Variants in SMC2 observed in about 807,000 individuals in gnomAD.
SMC2 encodes the protein structural maintenance of chromosomes 2, also known as structural maintenance of chromosomes protein 2.
A neutral mutation model predicts 142.6 loss-of-function variants in SMC2; 41 were observed. The observed-to-expected ratio is 0.29, with a 90% CI of 0.22 to 0.37. The LOEUF is 0.37. Among genes scored for constraint, SMC2 ranks in the 10% least tolerant of loss-of-function variants. The pLI, the probability that SMC2 is intolerant of heterozygous loss-of-function variation, is 1.00. For synonymous variants in SMC2, 463 were observed against 457.5 expected (o/e 1.01, Z -0.15); for missense variants, 1,265 against 1,373.7 (o/e 0.92, Z 1.25).
rs1441016633 is a variant in SMC2 at position 104,138,007 on chromosome 9, C to A, written c.3270-11C>A. On this transcript the variant is annotated splice_polypyrimidine_tract_variant and intron_variant, in intron 23 of 24. Coordinates refer to ENST00000374793, the MANE Select transcript of SMC2 (RefSeq NM_006444.3). ...CAAATTTTTATGGCTTTTCTTCTGA[C>A]CTTTTCTTAGGTCTTTAGTGGCCTT... The A allele has an allele frequency of 1.9e-6, 3 of 1,539,128 alleles. No individual in the cohort carries two copies. Among genetic ancestry groups the A allele is most frequent in the African/African-American group, 2.8e-5 (2 of 72,502 alleles).
intron 16 of SMC2, 47 bp downstream of exon 16, chr9:104,120,209 A>G: frequency 6.8e-7 from 1 of 1,467,766 alleles, no homozygotes; most frequent in Non-Finnish European, 9.2e-7. Context: ...GCATAGTAGA[A>G]AATGATAGAA....
upstream of SMC2, among the ~76,000 whole-genome samples, chr9:104,091,654 T>G (rs1027874778): frequency 6.6e-6 from 1 of 152,228 alleles, no homozygotes; most frequent in African/African-American, 2.4e-5. Context: ...CTTCCTTACT[T>G]CTGCGGTAAA....
chr9:104,092,034 A>C (rs1829990896), upstream of SMC2: 1 of 152,118 alleles, frequency 6.6e-6, no homozygotes, highest in African/African-American at 2.4e-5. Context: ...TCTACCCCTC[A>C]CATCTCCAAA....
At chr9:104,137,334 A>T (rs1363530967) in intron 23 of SMC2, among the ~76,000 whole-genome samples, 1 of 152,138 alleles carries the variant, frequency 6.6e-6, no homozygotes, top group Admixed American at 6.5e-5. Context: ...GAAAAAATAT[A>T]ATAATAATTA....
intron 20 of SMC2, among the ~76,000 whole-genome samples, chr9:104,127,738 C>T (rs1252753231): frequency 1.3e-5 from 2 of 152,064 alleles, no homozygotes; most frequent in Admixed American, 6.5e-5. Flanking sequence ...GTTTAGTGGT[C>T]TCCCATGGAA....
intron 23 of SMC2, among the ~76,000 whole-genome samples, chr9:104,137,554 G>C (rs1835681695): frequency 6.6e-6 from 1 of 151,978 alleles, no homozygotes. Context: ...GTGTCTGTCT[G>C]TGTGTATATG....
intron 23 of SMC2, among the ~76,000 whole-genome samples, chr9:104,137,104 T>C (rs973327366): frequency 6.6e-6 from 1 of 152,058 alleles, no homozygotes; most frequent in Non-Finnish European, 1.5e-5. Flanking sequence ...ACCGAGATTG[T>C]GCTACTGCAC....
chr9:104,103,466 C>T (rs1831394231), intron 9 of SMC2, among the ~76,000 whole-genome samples: 1 of 152,070 alleles, frequency 6.6e-6, no homozygotes, highest in African/African-American at 2.4e-5. Context: ...AGAAAAGATC[C>T]AGTAGAAAAG....
At position 104,116,336 on chromosome 9, in the gene SMC2, C is replaced by T; in HGVS notation, c.1791+17C>T. 1.3e-6 allele frequency: 2 copies of T among 1,590,568 alleles called. No individual in the cohort carries two copies. The highest frequency in any genetic ancestry group is 1.7e-6 in the Non-Finnish European group (2 of 1,171,198). On this transcript the variant is annotated intron_variant, in intron 14 of 24. Coordinates refer to ENST00000374793, the MANE Select transcript of SMC2 (RefSeq NM_006444.3). ...CAGAATCTTGTAAGTCTCATTTTGT[C>T]TTATTTATATGTTTAATCGTCATCT...
At chr9:104,126,820 T>C in intron 19 of SMC2, 36 bp downstream of exon 19, 1 of 1,566,298 alleles carries the variant, frequency 6.4e-7, no homozygotes. Flanking sequence ...AAATTGAAAA[T>C]GCGAATCTTT....
At chr9:104,125,239 C>A (rs1426927530) in intron 18 of SMC2, 134 bp downstream of exon 18, 1 of 652,160 alleles carries the variant, frequency 1.5e-6, no homozygotes, top group Non-Finnish European at 2.6e-6. Flanking sequence ...TCTTTGGAAA[C>A]AAATTATGCT....
rs1469608171 is a variant in SMC2, at chr9:104,127,302, C to T, written c.2612C>T (p.Ala871Val). The change falls in exon 20 of 25, where the codon GCT (alanine) becomes GTT (valine). Residue 871 changes from alanine (A) to valine (V), a missense_variant. By Grantham distance (64) the Ala-to-Val change is moderately conservative (BLOSUM62 0). Coordinates refer to ENST00000374793, the MANE Select transcript of SMC2 (RefSeq NM_006444.3). ...TTGTTTTAGGAGTCAGTAAATAAAG[C>T]TCAAGAAGAGGTGACCAAGCAAAAA... Reference protein sequence around the residue: ...VAKNKESVNKAQEEVTKQKEV... With the variant: ...VAKNKESVNKVQEEVTKQKEV... The T allele has an allele frequency of 1.3e-6, 2 of 1,586,916 alleles. No individual in the cohort carries two copies. The highest frequency in any genetic ancestry group is 1.8e-5 in the Admixed American group (1 of 55,656).
At chr9:104,124,817 C>T (rs962441589) in intron 17 of SMC2, 95 bp from the exon 18 acceptor site, 10 of 860,126 alleles carry the variant, frequency 1.2e-5, no homozygotes, top group South Asian at 3.5e-5. Context: ...TAAATTGTAC[C>T]CTGTAATTTT....
chr9:104,120,254 C>A, intron 16 of SMC2, 92 bp downstream of exon 16: 4 of 1,179,112 alleles, frequency 3.4e-6, no homozygotes, highest in Non-Finnish European at 3.5e-6. Context: ...CAGCTTCTGA[C>A]TTTTCTCATA....
At chr9:104,126,874 T>C in intron 19 of SMC2, 90 bp downstream of exon 19, 2 of 1,241,292 alleles carry the variant, frequency 1.6e-6, no homozygotes, top group Non-Finnish European at 2.2e-6. Flanking sequence ...GTGTTCTCAG[T>C]CTTTTCACTC....
intron 9 of SMC2, among the ~76,000 whole-genome samples, chr9:104,104,915 C>G (rs917256501): frequency 6.6e-6 from 1 of 152,250 alleles, no homozygotes; most frequent in Non-Finnish European, 1.5e-5. Context: ...GGAGCACTGA[C>G]TCAGCCCAGG....
intron 11 of SMC2, 109 bp downstream of exon 11, chr9:104,113,584 TAAC>T: frequency 8.6e-6 from 7 of 813,022 alleles, no homozygotes; most frequent in Non-Finnish European, 1.3e-5. Flanking sequence ...CTTAGCCTAT[TAAC>T]AAGCATTAGT....
At chr9:104,089,378 G>A (rs1829960392), upstream of SMC2, among the ~76,000 whole-genome samples, 1 of 152,118 alleles carries the variant, frequency 6.6e-6, no homozygotes, top group Non-Finnish European at 1.5e-5. Flanking sequence ...AAAGGAACCA[G>A]TTGGAGGAGA....
intron 24 of SMC2, 56 bp from the exon 25 acceptor site, chr9:104,139,083 T>C: frequency 8.1e-7 from 1 of 1,234,486 alleles, no homozygotes; most frequent in Non-Finnish European, 1.1e-6. Flanking sequence ...TATAAAGGAG[T>C]AAACTTCAAG....
Sources: gnomAD v4.1 joint callset for allele counts (sites outside exome capture counted in the v4.1 genomes callset) on GRCh38, gnomAD v4.1.1 for gene constraint, MANE v1.5 for transcripts, NCBI Gene and HGNC (gene_info 2026-07-23, HGNC 2026-07-21) for gene names.